Variants in CDH18 observed in about 807,000 individuals in gnomAD.
CDH18 encodes cadherin 18.
CDH18 carries 31 observed loss-of-function variants against 67.9 expected under a neutral mutation model. The observed-to-expected ratio is 0.46, with a 90% CI of 0.34 to 0.62. The LOEUF (loss-of-function observed/expected upper bound fraction) is 0.62. Ranked by LOEUF, CDH18 falls within the 20% of genes least tolerant of loss-of-function variation. The pLI, the probability that CDH18 is intolerant of heterozygous loss-of-function variation, is 0.01. For missense variants in CDH18, 890 were observed against 975.5 expected, an observed-to-expected ratio of 0.91 and a Z score of 1.17; for synonymous variants, 362 against 347.2, an observed-to-expected ratio of 1.04 and a Z score of -0.48.
chr5:20,572,082 A>G lies in CDH18; in HGVS notation c.-580+3380T>C, dbSNP rs372818008. Among the ~76,000 whole-genome samples the G allele has an allele frequency of 3.1e-4, 47 of 152,256 alleles. No homozygotes were observed. The South Asian group carries it at 9.5e-3, about 31-fold the overall frequency. On this transcript the variant is annotated intron_variant, in intron 1 of 14. Coordinates refer to the CDH18 transcript ENST00000507958. ...CTTTCTTCCCGTAATACACCCTCCC[A>G]TGAACTTCTGTGTATGTAATGATAA...
intron 8 of CDH18, among the ~76,000 whole-genome samples, chr5:19,548,951 T>C (rs576246264): frequency 2.6e-5 from 4 of 152,070 alleles, no homozygotes; most frequent in Non-Finnish European, 4.4e-5. Flanking sequence ...GGTTTCACCA[T>C]GTTGGCCAGG....
At chr5:19,737,158 T>TATCCA in intron 4 of CDH18, among the ~76,000 whole-genome samples, 1 of 152,278 alleles carries the variant, frequency 6.6e-6, no homozygotes, top group South Asian at 2.1e-4. Flanking sequence ...TTTTTTTCTA[T>TATCCA]ATCCAATTGC....
At chr5:19,906,292 CA>C (rs1790529735) in intron 2 of CDH18, among the ~76,000 whole-genome samples, 1 of 151,876 alleles carries the variant, frequency 6.6e-6, no homozygotes, top group Non-Finnish European at 1.5e-5. Context: ...CCTTCTACCC[CA>C]GATCCTTCCC....
intron 2 of CDH18, among the ~76,000 whole-genome samples, chr5:20,007,058 G>T (rs1736956233): frequency 6.6e-6 from 1 of 151,768 alleles, no homozygotes; most frequent in Non-Finnish European, 1.5e-5. Flanking sequence ...TTCACTGGAA[G>T]TACCAAGACA....
chr5:20,541,150 A>G (rs1757028250), intron 1 of CDH18, among the ~76,000 whole-genome samples: 1 of 152,212 alleles, frequency 6.6e-6, no homozygotes, highest in Non-Finnish European at 1.5e-5. Flanking sequence ...GAAAATTTAT[A>G]AAATTTATGG....
At chr5:19,756,138 A>C (rs570437139) in intron 3 of CDH18, among the ~76,000 whole-genome samples, 5 of 152,326 alleles carry the variant, frequency 3.3e-5, no homozygotes, top group African/African-American at 9.6e-5. Context: ...TCCTCTGTAC[A>C]ACTGGAAACA....
chr5:20,008,805 T>C (rs548977958), intron 2 of CDH18, among the ~76,000 whole-genome samples: 4 of 152,114 alleles, frequency 2.6e-5, no homozygotes, highest in African/African-American at 9.7e-5. Flanking sequence ...GTAGCCAATA[T>C]GTCTAGAGCA....
chr5:20,228,428 A>G (rs1043343378), intron 2 of CDH18, among the ~76,000 whole-genome samples: 5 of 152,100 alleles, frequency 3.3e-5, no homozygotes, highest in Non-Finnish European at 7.4e-5. Flanking sequence ...GACTAAATAT[A>G]CCTAATTAAC....
chr5:19,993,645 G>A (rs1561694244), intron 2 of CDH18, among the ~76,000 whole-genome samples: 1 of 151,698 alleles, frequency 6.6e-6, no homozygotes. Flanking sequence ...TATATATAGA[G>A]ATAAATAGAT....
At chr5:19,542,793 A>AT (rs35025228) in intron 9 of CDH18, among the ~76,000 whole-genome samples, 26 of 148,200 alleles carry the variant, frequency 1.8e-4, no homozygotes, top group South Asian at 4.3e-4. Context: ...GTAATGCAGA[A>AT]TTTTTTTTTT....
At chr5:19,709,273 A>G (rs1764386550) in intron 5 of CDH18, among the ~76,000 whole-genome samples, 1 of 152,136 alleles carries the variant, frequency 6.6e-6, no homozygotes, top group African/African-American at 2.4e-5. Context: ...TTTGTATTTT[A>G]AAGAAAAGGC....
chr5:20,433,328 A>C (rs1322850253), intron 1 of CDH18, among the ~76,000 whole-genome samples: 5 of 151,968 alleles, frequency 3.3e-5, no homozygotes, highest in African/African-American at 1.2e-4. Flanking sequence ...TACCCAAGCA[A>C]TATATCCAAC....
At chr5:19,524,774 CTCGCTCTG>C (rs911045686) in intron 9 of CDH18, among the ~76,000 whole-genome samples, 4 of 152,070 alleles carry the variant, frequency 2.6e-5, no homozygotes, top group African/African-American at 7.2e-5. Flanking sequence ...GAGATGGAGT[CTCGCTCTG>C]TCGCCCAGGC....
chr5:19,491,166 A>T (rs957283473), intron 11 of CDH18, among the ~76,000 whole-genome samples: 1 of 152,200 alleles, frequency 6.6e-6, no homozygotes, highest in African/African-American at 2.4e-5. Context: ...AAGGAGAGCC[A>T]CTGTAGAATA....
intron 2 of CDH18, among the ~76,000 whole-genome samples, chr5:20,094,387 C>T (rs748714742): frequency 2.6e-5 from 4 of 152,138 alleles, no homozygotes; most frequent in African/African-American, 9.7e-5. Context: ...AGTTTGAAGT[C>T]AGGTACTGTG....
At chr5:20,435,953 C>T (rs925382100) in intron 1 of CDH18, among the ~76,000 whole-genome samples, 7 of 151,890 alleles carry the variant, frequency 4.6e-5, no homozygotes, top group Non-Finnish European at 8.8e-5. Flanking sequence ...TTTCGTTAGG[C>T]TTAACCTAAG....
chr5:19,711,000 G>A (rs1764634277), intron 5 of CDH18, among the ~76,000 whole-genome samples: 1 of 151,950 alleles, frequency 6.6e-6, no homozygotes, highest in East Asian at 1.9e-4. Context: ...AAACACTGAG[G>A]AAAGAACACC....
intron 2 of CDH18, among the ~76,000 whole-genome samples, chr5:20,013,794 G>A (rs553545087): frequency 1.4e-4 from 21 of 152,052 alleles, no homozygotes; most frequent in Middle Eastern, 3.4e-3. Context: ...CCATATTATC[G>A]TAAGTGTATT....
intron 5 of CDH18, among the ~76,000 whole-genome samples, chr5:19,661,965 C>T (rs183957381): frequency 9.8e-4 from 149 of 152,140 alleles, no homozygotes; most frequent in African/African-American, 3.3e-3. Flanking sequence ...TTTACTTCAC[C>T]TCAGGAGAAC....
Sources: allele counts gnomAD v4.1 joint callset (sites outside exome capture counted in the v4.1 genomes callset), GRCh38; gene constraint gnomAD v4.1.1; transcripts MANE v1.5; gene names NCBI Gene and HGNC (gene_info 2026-07-23, HGNC 2026-07-21).